Variants in MAU2 observed in about 807,000 individuals in gnomAD.
MAU2 encodes the protein MAU2 chromatid cohesion factor homolog.
Under a neutral mutation model 89.1 loss-of-function variants are expected in MAU2, and 9 were observed. The observed-to-expected ratio is 0.10, with a 90% confidence interval of 0.06 to 0.18. MAU2 has a LOEUF of 0.18. MAU2 is among the 10% of genes least tolerant of loss of function. MAU2 has a pLI of 1.00. For synonymous variants in MAU2, 357 were observed against 343.4 expected (o/e 1.04, Z -0.44); for missense variants, 425 against 803.5 (o/e 0.53, Z 5.69).
chr19:19,336,093 T>C, intron 2 of MAU2, 29 bp from the exon 3 acceptor site: 5 of 1,577,048 alleles, frequency 3.2e-6, no homozygotes, highest in Non-Finnish European at 3.5e-6. Flanking sequence ...TTTCGCAGTG[T>C]CTGTACTTCC....
intron 3 of MAU2, among the ~76,000 whole-genome samples, chr19:19,336,526 G>A (rs542389547): frequency 4.3e-4 from 65 of 152,218 alleles, no homozygotes; most frequent in Non-Finnish European, 8.2e-4. Flanking sequence ...ATCCTGCCTC[G>A]ACTTCCCAAA....
In MAU2 at chr19:19,355,762, A is replaced by G. The variant is rs1291730544; in HGVS notation, c.1822A>G (p.Ser608Gly). 1.2e-6 allele frequency: 2 copies of G among 1,608,542 alleles called. No individual in the cohort carries two copies. Among genetic ancestry groups the G allele is most frequent in the South Asian group, 2.2e-5 (2 of 91,074 alleles). Residue 608 changes from serine to glycine, a missense_variant, in exon 19 of 19, where the codon AGC becomes GGC. Ser to Gly is a moderately conservative substitution (Grantham distance 56). Around this residue, in one of 11 missense-constraint regions of MAU2, gnomAD observed 42 missense variants for 42.4 expected, o/e 0.99. Coordinates refer to ENST00000262815, the MANE Select transcript of MAU2 (RefSeq NM_015329.4). Reference sequence around the variant, plus strand: ...CCAAGCTCAGAATGGACCCAACACCAGCCTGGCCAGCCTCCTGTGAGGCCT... The same window carrying G: ...CCAAGCTCAGAATGGACCCAACACCGGCCTGGCCAGCCTCCTGTGAGGCCT... ...QFQAQNGPNT[S>G]LASLL
chr19:19,331,768 AACAAAG>A (rs1276928661), intron 1 of MAU2, among the ~76,000 whole-genome samples: 1 of 152,142 alleles, frequency 6.6e-6, no homozygotes, highest in African/African-American at 2.4e-5. Context: ...ACAAAACTCT[AACAAAG>A]ATACAAAAGT....
chr19:19,342,505 G>A, intron 7 of MAU2, 30 bp from the exon 8 acceptor site: 1 of 1,531,632 alleles, frequency 6.5e-7, no homozygotes, highest in Non-Finnish European at 8.8e-7. Flanking sequence ...GCCAGGCTCA[G>A]GTGGATGCTC....
chr19:19,326,916 T>G (rs2061513766), intron 1 of MAU2, among the ~76,000 whole-genome samples: 1 of 149,866 alleles, frequency 6.7e-6, no homozygotes. Context: ...AGAATCCCCA[T>G]CAGAGTCAAA....
rs1156419872 is a variant in MAU2 at position 19,356,958 on chromosome 19, C to G, written c.*1176C>G. 6.6e-6 allele frequency: 1 copy of G among 152,260 alleles called. No individual in the cohort carries two copies. The highest frequency in any genetic ancestry group is 2.4e-5 in the African/African-American group (1 of 41,412). The allele number at this position is 152,260 out of a possible 1,614,324, so 9.4% of individuals were successfully genotyped here. ...CAGGTGTCAGGGCTCAAGACACCAC[C>G]CCCTCCAGCTTCTGGGGCCCAGGAG... On this transcript the variant is annotated 3_prime_UTR_variant, in exon 19 of 19. Coordinates refer to ENST00000262815, the MANE Select transcript of MAU2 (RefSeq NM_015329.4).
In MAU2 at chr19:19,344,851, C is replaced by T. The variant is rs1220433197; in HGVS notation, c.1080C>T (p.Ile360=). 1 of 1,613,500 alleles carries T rather than the reference C, an allele frequency of 6.2e-7. No individual in the cohort carries two copies. The highest frequency in any genetic ancestry group is 1.1e-5 in the South Asian group (1 of 91,050). Residue 360 remains isoleucine, a splice_region_variant and synonymous_variant, in exon 11 of 19, where the codon ATC becomes ATT. Transcript: ENST00000262815. ...TGHKATALQE[I]SQVCQLCQQS... ...GGCAGTACACTCTCTCCCGGCAGAT[C>T]TCCCAGGTCTGCCAGCTGTGCCAGC...
intron 1 of MAU2, among the ~76,000 whole-genome samples, chr19:19,333,347 G>A (rs983427265): frequency 2.0e-5 from 3 of 152,156 alleles, no homozygotes; most frequent in East Asian, 3.9e-4. Context: ...TTAGCCAGAC[G>A]TGGTGGTTCG....
intron 1 of MAU2, among the ~76,000 whole-genome samples, chr19:19,322,110 G>A (rs924445344): frequency 6.6e-6 from 1 of 151,398 alleles, no homozygotes; most frequent in Admixed American, 6.6e-5. Context: ...CCATTCTCCT[G>A]CCTCAGCCTC....
Position 19,358,620 on chromosome 19 carries a change from C to T in MAU2, c.*2838C>T, listed in dbSNP as rs1361040971. On this transcript the variant is annotated 3_prime_UTR_variant, in exon 19 of 19. Coordinates refer to ENST00000262815, the MANE Select transcript of MAU2 (RefSeq NM_015329.4). The stretch of plus-strand genomic sequence containing the variant: ...GTTTTAGCAGCCTATAACTTTTCAG[C>T]TGGTGCTTTTACTTAGGGAAAAAAA... The T allele has an allele frequency of 1.3e-5, 2 of 152,220 alleles. No homozygotes were observed. Among genetic ancestry groups the T allele is most frequent in the African/African-American group, 4.8e-5 (2 of 41,452 alleles). The allele number at this position is 152,220 out of a possible 1,614,324, so 9.4% of individuals were successfully genotyped here. A position where few individuals can be genotyped will look rare whatever the true frequency, so the allele number is the denominator to read the frequency against.
At chr19:19,340,557 T>G (rs2061635786) in intron 5 of MAU2, among the ~76,000 whole-genome samples, 1 of 151,750 alleles carries the variant, frequency 6.6e-6, no homozygotes, top group African/African-American at 2.4e-5. Flanking sequence ...GAGAATGGCG[T>G]GAACCTGGGA....
At position 19,331,184 on chromosome 19, in the gene MAU2, A is replaced by C. The variant is rs193158436; in HGVS notation, c.277-4534A>C. Among the ~76,000 whole-genome samples the C allele has an allele frequency of 9.2e-4, 140 of 151,572 alleles. 1 individual carries two copies. The highest frequency in any genetic ancestry group is 1.4e-3 in the Admixed American group (22 of 15,192). On this transcript the variant is annotated intron_variant, in intron 1 of 18. Transcript: ENST00000262815. ...TCATAAGGAAGGAAACATAAAAGCTACTTTTTAGCATTACAAAGTTAAAAA... is the reference window on the plus strand; with the variant it reads ...TCATAAGGAAGGAAACATAAAAGCTCCTTTTTAGCATTACAAAGTTAAAAA...
intron 1 of MAU2, among the ~76,000 whole-genome samples, chr19:19,327,226 A>G (rs1236749287): frequency 1.3e-5 from 2 of 150,624 alleles, no homozygotes; most frequent in African/African-American, 2.5e-5. Flanking sequence ...GGTTCAGACT[A>G]TTCTCCTGCC....
In MAU2 at chr19:19,337,152, G is replaced by C; in HGVS notation, c.361-18G>C. Reference sequence around the variant, plus strand: ...TTTTTTTTTTCTTACATTCCCAAACGTGACTATTTCCTTTCAGAATTCCGT... The same window carrying C: ...TTTTTTTTTTCTTACATTCCCAAACCTGACTATTTCCTTTCAGAATTCCGT... On this transcript the variant is annotated intron_variant, in intron 3 of 18. Coordinates refer to ENST00000262815, the MANE Select transcript of MAU2 (RefSeq NM_015329.4). 6.4e-7 allele frequency: 1 copy of C among 1,565,704 alleles called. No individual in the cohort carries two copies. The highest frequency in any genetic ancestry group is 8.8e-7 in the Non-Finnish European group (1 of 1,141,074).
intron 1 of MAU2, among the ~76,000 whole-genome samples, chr19:19,326,094 G>A (rs149685977): frequency 2.0e-5 from 3 of 149,120 alleles, no homozygotes; most frequent in South Asian, 2.1e-4. Context: ...TCCGCCCTCC[G>A]GGTTCAAGCG....
At chr19:19,337,123 T>G (rs1458120416) in intron 3 of MAU2, 47 bp from the exon 4 acceptor site, 4 of 1,043,826 alleles carry the variant, frequency 3.8e-6, no homozygotes, top group African/African-American at 3.7e-5. Flanking sequence ...ATTGCCGCCT[T>G]GTTTTTTTTT....
intron 2 of MAU2, 41 bp from the exon 3 acceptor site, chr19:19,336,081 T>G: frequency 6.6e-7 from 1 of 1,520,002 alleles, no homozygotes. Flanking sequence ...CAAACCGACC[T>G]TTTTCGCAGT....
In MAU2 at chr19:19,342,696, G is replaced by GGGCC; in HGVS notation, c.882+16_882+19dup. The GGGCC allele has an allele frequency of 6.2e-7, 1 of 1,612,724 alleles. No individual in the cohort carries two copies. The highest frequency in any genetic ancestry group is 8.5e-7 in the Non-Finnish European group (1 of 1,179,344). On this transcript the variant is annotated intron_variant, in intron 8 of 18. Coordinates refer to ENST00000262815, the MANE Select transcript of MAU2 (RefSeq NM_015329.4). ...TTGTCTACCTGGTGCGTCCCCACCA[G>GGGCC]GGCCCGGGCCAGGGCTGGGGGCGGG...
rs367937403 is a variant in MAU2 at position 19,345,391 on chromosome 19, C to G, written c.1221+22C>G. On this transcript the variant is annotated intron_variant, in intron 12 of 18. Coordinates refer to ENST00000262815, the MANE Select transcript of MAU2 (RefSeq NM_015329.4). The surrounding 1 kb of genome is among the most constrained non-coding windows in gnomAD (Gnocchi z 4.9). ...GCGGGTAAGGTGCCGGCCCTCCTTG[C>G]TGCTCGGGGCGGGCCACACTTCTGA... The G allele has an allele frequency of 2.5e-6, 4 of 1,612,106 alleles. No homozygotes were observed. The African/African-American group carries it at 5.3e-5, about 22-fold the overall frequency.
Sources: gnomAD v4.1 joint callset for allele counts (sites outside exome capture counted in the v4.1 genomes callset) on GRCh38, gnomAD v4.1.1 for gene constraint, gnomAD v4.1.1 regional missense constraint, Gnocchi (gnomAD v3.1) non-coding constraint, MANE v1.5 for transcripts, NCBI Gene and HGNC (gene_info 2026-07-23, HGNC 2026-07-21) for gene names.